The following WWOX variants were observed in gnomAD, a reference collection of about 807,000 sequenced individuals.
WWOX encodes WW domain-containing oxidoreductase.
In WWOX, 69 loss-of-function variants were observed where a neutral mutation model predicts 46.2. The ratio of observed to expected loss-of-function variants is 1.49; its 90% CI spans 1.23 to 1.82. WWOX has a LOEUF of 1.82. Ranked by LOEUF, WWOX falls within the 40% of genes most tolerant of loss-of-function variation. WWOX has a pLI of 0.00. For missense variants in WWOX, 919 were observed against 542.6 expected (o/e 1.69, Z -6.89); for synonymous variants, 359 against 202.6 (o/e 1.77, Z -6.56).
At chr16:78,425,976 A>G (rs1470321272) in intron 7 of WWOX, among the ~76,000 whole-genome samples, 1 of 152,180 alleles carries the variant, frequency 6.6e-6, no homozygotes, top group African/African-American at 2.4e-5. Flanking sequence ...GGGACTTGGA[A>G]GAGAGAGACC....
At chr16:78,624,912 A>G (rs1192752884) in intron 8 of WWOX, among the ~76,000 whole-genome samples, 1 of 152,180 alleles carries the variant, frequency 6.6e-6, no homozygotes, top group Non-Finnish European at 1.5e-5. Flanking sequence ...TGGAGTCTGT[A>G]CACACAAAAC....
intron 8 of WWOX, among the ~76,000 whole-genome samples, chr16:79,098,944 GA>G (rs2049133776): frequency 6.6e-6 from 1 of 152,298 alleles, no homozygotes; most frequent in Admixed American, 6.5e-5. Flanking sequence ...AATTCATAAA[GA>G]AAAGAAGTTT....
intron 8 of WWOX, among the ~76,000 whole-genome samples, chr16:78,668,803 G>T (rs76584573): frequency 0.011 from 1,658 of 152,270 alleles, 18 homozygotes; most frequent in South Asian, 0.037. Flanking sequence ...AGGTACAGCA[G>T]CTCAGACATG....
intron 8 of WWOX, among the ~76,000 whole-genome samples, chr16:78,709,365 G>C (rs935815884): frequency 6.6e-5 from 10 of 152,228 alleles, no homozygotes; most frequent in African/African-American, 2.2e-4. Flanking sequence ...CTGAAGGAAA[G>C]CCCGCGATTC....
intron 8 of WWOX, among the ~76,000 whole-genome samples, chr16:78,902,302 A>G (rs528564270): frequency 2.0e-5 from 3 of 152,342 alleles, no homozygotes; most frequent in East Asian, 3.9e-4. Flanking sequence ...TCTCTGCAGC[A>G]TAATTGATAT....
intron 8 of WWOX, among the ~76,000 whole-genome samples, chr16:79,041,496 G>GAA (rs1567508707): frequency 4.6e-5 from 7 of 152,194 alleles, no homozygotes; most frequent in Non-Finnish European, 7.3e-5. Flanking sequence ...TGATGGAGCA[G>GAA]GGATCATGCT....
At chr16:78,105,958 T>A (rs1378920562) in intron 1 of WWOX, among the ~76,000 whole-genome samples, 4 of 152,020 alleles carry the variant, frequency 2.6e-5, no homozygotes, top group African/African-American at 9.7e-5. Flanking sequence ...TGTGCCACCA[T>A]GTCTGTCTAA....
intron 8 of WWOX, among the ~76,000 whole-genome samples, chr16:79,021,627 A>AT (rs1201943748): frequency 1.3e-5 from 2 of 152,218 alleles, no homozygotes; most frequent in African/African-American, 4.8e-5. Flanking sequence ...TGATAGGAAA[A>AT]TATCTGTGAT....
intron 8 of WWOX, chr16:78,898,276 T>G (rs941402592): frequency 2.0e-5 from 3 of 152,184 alleles, no homozygotes; most frequent in Non-Finnish European, 4.4e-5. Flanking sequence ...AACTTCAATC[T>G]TTACATTCAG....
At chr16:78,894,500 G>C (rs1468412590) in intron 8 of WWOX, among the ~76,000 whole-genome samples, 1 of 152,210 alleles carries the variant, frequency 6.6e-6, no homozygotes, top group African/African-American at 2.4e-5. Flanking sequence ...ACACAGGCTT[G>C]AGTTTGGCTT....
chr16:78,498,553 C>A (rs550835668), intron 8 of WWOX, among the ~76,000 whole-genome samples: 2 of 152,268 alleles, frequency 1.3e-5, no homozygotes, highest in East Asian at 1.9e-4. Context: ...AAGTGCTGCA[C>A]ACCTTTGGCC....
intron 8 of WWOX, among the ~76,000 whole-genome samples, chr16:78,867,734 A>G (rs530194265): frequency 1.3e-5 from 2 of 152,106 alleles, no homozygotes; most frequent in South Asian, 2.1e-4. Flanking sequence ...AAGTCCTACA[A>G]CTGGTGAGCT....
intron 8 of WWOX, among the ~76,000 whole-genome samples, chr16:78,885,258 T>A (rs1355134097): frequency 2.2e-5 from 3 of 134,026 alleles, no homozygotes; most frequent in African/African-American, 8.1e-5. Flanking sequence ...AAAAAAAAAA[T>A]ACTCTTGCCT....
intron 8 of WWOX, among the ~76,000 whole-genome samples, chr16:78,641,237 T>G (rs2046702094): frequency 1.3e-5 from 2 of 149,890 alleles, no homozygotes; most frequent in South Asian, 4.2e-4. Flanking sequence ...CCCCAGGAGA[T>G]TTTTTTTTTC....
chr16:78,859,838 AT>A (rs11311004), intron 8 of WWOX, among the ~76,000 whole-genome samples: 115,418 of 151,696 alleles, frequency 0.76, 44,788 homozygotes, highest in Middle Eastern at 0.89. Flanking sequence ...TTTAACAGTG[AT>A]TTTTTTTTTA....
At chr16:79,033,015 T>C (rs1031010387) in intron 8 of WWOX, among the ~76,000 whole-genome samples, 18 of 151,748 alleles carry the variant, frequency 1.2e-4, no homozygotes, top group East Asian at 1.9e-4. Flanking sequence ...TGAGAACATA[T>C]GGTATTTGCA....
chr16:78,861,613 C>G (rs532815537), intron 8 of WWOX, among the ~76,000 whole-genome samples: 2 of 152,282 alleles, frequency 1.3e-5, no homozygotes, highest in Admixed American at 6.5e-5. Flanking sequence ...GTATCATCAT[C>G]ACACCCAAAA....
chr16:78,974,834 G>C (rs149358875), intron 8 of WWOX, among the ~76,000 whole-genome samples: 1 of 152,308 alleles, frequency 6.6e-6, no homozygotes, highest in African/African-American at 2.4e-5. Context: ...CCGGGAAGCA[G>C]AGGCAATTTA....
At chr16:78,860,030 T>G (rs184049771) in intron 8 of WWOX, among the ~76,000 whole-genome samples, 70 of 152,298 alleles carry the variant, frequency 4.6e-4, no homozygotes, top group Admixed American at 4.1e-3. Flanking sequence ...GAGTAAACTT[T>G]TTAGTTCTCA....
Sources: allele counts gnomAD v4.1 joint callset (sites outside exome capture counted in the v4.1 genomes callset), GRCh38; gene constraint gnomAD v4.1.1; transcripts MANE v1.5; gene names NCBI Gene and HGNC (gene_info 2026-07-23, HGNC 2026-07-21).